The following ACTR3B variants were observed in gnomAD, a reference collection of about 807,000 sequenced individuals.
The protein encoded by ACTR3B is actin related protein 3B.
In ACTR3B, 8 loss-of-function variants were observed where a neutral mutation model predicts 59.0. The ratio of observed to expected loss-of-function variants is 0.14; its 90% CI spans 0.08 to 0.24. The LOEUF is 0.24. Ranked by LOEUF, ACTR3B falls within the 10% of genes least tolerant of loss-of-function variation. ACTR3B has a pLI of 1.00. For missense variants in ACTR3B, 245 were observed against 552.3 expected (o/e 0.44, Z 5.58); for synonymous variants, 148 against 197.9 (o/e 0.75, Z 2.12).
chr7:152,794,967 T>C (rs1182891187), intron 2 of ACTR3B, among the ~76,000 whole-genome samples: 2 of 152,094 alleles, frequency 1.3e-5, no homozygotes, highest in African/African-American at 4.8e-5. Context: ...CCCTGTGTCT[T>C]TTTCTTTTCA....
intron 9 of ACTR3B, among the ~76,000 whole-genome samples, chr7:152,845,551 G>A (rs1038206171): frequency 1.1e-4 from 16 of 152,264 alleles, no homozygotes; most frequent in African/African-American, 3.9e-4. Flanking sequence ...TGAGGAAGCA[G>A]GGATTCTGAA....
chr7:152,777,336 C>T (rs530864897), intron 1 of ACTR3B, among the ~76,000 whole-genome samples: 57 of 151,454 alleles, frequency 3.8e-4, no homozygotes, highest in South Asian at 4.1e-4. Context: ...AAAAACAAAA[C>T]GGACTCTTCC....
At position 152,820,375 on chromosome 7, in the gene ACTR3B, A is replaced by G. The variant is rs1406504901; in HGVS notation, c.617A>G (p.Gln206Arg). ...AGAGATATTACGTATTTCATTCAAC[A>G]GCTGCTAAGGGAGAGGGAGGTGGGA... ...AGRDITYFIQQLLREREVGIP... is the reference protein window; with the variant it reads ...AGRDITYFIQRLLREREVGIP... Residue 206 changes from glutamine to arginine, a missense_variant, in exon 7 of 12, where the codon CAG becomes CGG. Physicochemically the swap from Gln to Arg is conservative, Grantham distance 43. This residue lies in a region of ACTR3B where 12 missense variants were observed against 68.7 expected (regional missense o/e 0.17). Coordinates refer to ENST00000256001, the MANE Select transcript of ACTR3B (RefSeq NM_020445.6). 8 of 1,609,076 alleles carry G rather than the reference A, an allele frequency of 5.0e-6. No homozygotes were observed. Among genetic ancestry groups the G allele is most frequent in the Non-Finnish European group, 6.8e-6 (8 of 1,176,324 alleles).
intron 2 of ACTR3B, among the ~76,000 whole-genome samples, chr7:152,793,328 G>A (rs867349727): frequency 1.6e-5 from 1 of 60,616 alleles, no homozygotes; most frequent in Non-Finnish European, 3.1e-5. Context: ...TCTGGGCTCT[G>A]TTTTTTTTTT....
intron 9 of ACTR3B, among the ~76,000 whole-genome samples, chr7:152,838,756 A>T (rs2116945922): frequency 6.6e-6 from 1 of 152,292 alleles, no homozygotes; most frequent in East Asian, 1.9e-4. Context: ...GCCACTGACC[A>T]CTTTTTGCTC....
chr7:152,797,188 G>A (rs2098220431), intron 2 of ACTR3B, among the ~76,000 whole-genome samples: 1 of 152,096 alleles, frequency 6.6e-6, no homozygotes, highest in Non-Finnish European at 1.5e-5. Context: ...AACCTCCTGG[G>A]CTCAAGTGAT....
intron 2 of ACTR3B, among the ~76,000 whole-genome samples, chr7:152,789,085 A>C (rs3111470): frequency 4.8e-4 from 67 of 139,394 alleles, no homozygotes; most frequent in African/African-American, 1.9e-3. Context: ...ACAACAACAA[A>C]GCCCTTACAC....
chr7:152,845,438 C>T (rs1359764026), intron 9 of ACTR3B, among the ~76,000 whole-genome samples: 2 of 152,208 alleles, frequency 1.3e-5, no homozygotes, highest in Admixed American at 6.5e-5. Context: ...TTTTAAAGTT[C>T]ACTGTCTGTG....
rs747820439 is a variant in ACTR3B at position 152,783,167 on chromosome 7, T to C, written c.45-20T>C. The stretch of plus-strand genomic sequence containing the variant: ...AGAGTATTATTATCTAAACATGTGT[T>C]GATGACTTTGTGCTTTTAGGTATAC... On this transcript the variant is annotated intron_variant, in intron 1 of 11. Transcript: ENST00000256001. 2 of 1,178,784 alleles carry C rather than the reference T, an allele frequency of 1.7e-6. No individual in the cohort carries two copies. Among genetic ancestry groups the C allele is most frequent in the South Asian group, 2.6e-5 (2 of 77,302 alleles). The allele number at this position is 1,178,784 out of a possible 1,614,324, so 73.0% of individuals were successfully genotyped here. A position where few individuals can be genotyped will look rare whatever the true frequency, so the allele number is the denominator to read the frequency against.
intron 9 of ACTR3B, among the ~76,000 whole-genome samples, chr7:152,826,848 G>C (rs1309844329): frequency 6.7e-6 from 1 of 149,912 alleles, no homozygotes; most frequent in African/African-American, 2.5e-5. Context: ...CCAGAGTTGG[G>C]AAAAGGTGGC....
intron 9 of ACTR3B, among the ~76,000 whole-genome samples, chr7:152,837,175 C>CA (rs542897254): frequency 0.032 from 4,633 of 146,330 alleles, 68 homozygotes; most frequent in Middle Eastern, 0.094. Flanking sequence ...GACCTTGTCT[C>CA]AAAAAAAAAC....
chr7:152,852,090 T>C (rs1408514153), intron 9 of ACTR3B, 36 bp from the exon 10 acceptor site: 1 of 1,613,234 alleles, frequency 6.2e-7, no homozygotes, highest in South Asian at 1.1e-5. Flanking sequence ...GGGCGGGCGG[T>C]TTTACCCAGG....
chr7:152,801,213 G>A (rs1460638015), intron 3 of ACTR3B, among the ~76,000 whole-genome samples: 1 of 152,264 alleles, frequency 6.6e-6, no homozygotes, highest in Non-Finnish European at 1.5e-5. Flanking sequence ...CCAAGTAGGT[G>A]GGACTACAGG....
chr7:152,847,904 C>G (rs1287592237), intron 9 of ACTR3B, among the ~76,000 whole-genome samples: 1 of 152,178 alleles, frequency 6.6e-6, no homozygotes, highest in African/African-American at 2.4e-5. Flanking sequence ...ATGCGCGTTT[C>G]TTCCCGCCGT....
At chr7:152,791,293 G>A (rs1419448109) in intron 2 of ACTR3B, among the ~76,000 whole-genome samples, 4 of 152,092 alleles carry the variant, frequency 2.6e-5, no homozygotes, top group Admixed American at 6.5e-5. Context: ...GGCGTGAGCC[G>A]CTGTGCCGGC....
intron 1 of ACTR3B, among the ~76,000 whole-genome samples, chr7:152,775,715 C>T (rs374607785): frequency 6.6e-5 from 10 of 150,994 alleles, no homozygotes; most frequent in East Asian, 5.8e-4. Context: ...GCCAAGATCA[C>T]GCCATTGCAC....
intron 1 of ACTR3B, among the ~76,000 whole-genome samples, chr7:152,762,150 TCCTCAGG>T (rs1388029756): frequency 2.0e-5 from 3 of 152,230 alleles, no homozygotes; most frequent in Non-Finnish European, 2.9e-5. Flanking sequence ...CCTTGAATCC[TCCTCAGG>T]TAAACCCCGA....
At chr7:152,838,856 G>A (rs1309247432) in intron 9 of ACTR3B, among the ~76,000 whole-genome samples, 3 of 152,176 alleles carry the variant, frequency 2.0e-5, no homozygotes, top group African/African-American at 4.8e-5. Context: ...TTTGTCCTGG[G>A]GAGACATGCT....
intron 9 of ACTR3B, among the ~76,000 whole-genome samples, chr7:152,832,500 T>C (rs1797108393): frequency 6.6e-6 from 1 of 152,160 alleles, no homozygotes. Context: ...AGAGAGATTG[T>C]TAGTCAGGGC....
Sources: gnomAD v4.1 joint callset for allele counts (sites outside exome capture counted in the v4.1 genomes callset) on GRCh38, gnomAD v4.1.1 for gene constraint, gnomAD v4.1.1 regional missense constraint, MANE v1.5 for transcripts, NCBI Gene and HGNC (gene_info 2026-07-23, HGNC 2026-07-21) for gene names.